Variants in TBCE observed in about 807,000 individuals in gnomAD.
TBCE encodes the protein tubulin-specific chaperone E.
TBCE carries 53 observed loss-of-function variants against 77.0 expected under a neutral mutation model. The ratio of observed to expected loss-of-function variants is 0.69; its 90% CI spans 0.55 to 0.87. TBCE has a LOEUF of 0.87. TBCE is among the 40% of genes least tolerant of loss of function. TBCE has a pLI of 0.00. For synonymous variants in TBCE, 235 were observed against 241.3 expected (o/e 0.97, Z 0.24); for missense variants, 624 against 622.4 (o/e 1.00, Z -0.03).
chr1:235,411,335 AAC>A (rs1397512533), intron 3 of TBCE, among the ~76,000 whole-genome samples: 1 of 152,194 alleles, frequency 6.6e-6, no homozygotes. Flanking sequence ...TCCATAAAGG[AAC>A]ACACACCATT....
intron 14 of TBCE, among the ~76,000 whole-genome samples, chr1:235,442,177 T>A (rs1013853747): frequency 6.6e-6 from 1 of 152,020 alleles, no homozygotes; most frequent in African/African-American, 2.4e-5. Flanking sequence ...CCCGGCTAAT[T>A]TTTTTTAATC....
intron 5 of TBCE, among the ~76,000 whole-genome samples, chr1:235,426,865 G>A (rs1204778950): frequency 6.6e-6 from 1 of 152,166 alleles, no homozygotes; most frequent in Admixed American, 6.5e-5. Flanking sequence ...GGCTGGTCTT[G>A]AACTCCTGAC....
At chr1:235,371,080 A>T (rs1198718868) in intron 1 of TBCE, among the ~76,000 whole-genome samples, 1 of 79,236 alleles carries the variant, frequency 1.3e-5, no homozygotes, top group African/African-American at 5.1e-5. Context: ...TTTGAGACAG[A>T]GTGGTTGCTC....
chr1:235,386,149 C>G (rs1390255068), intron 2 of TBCE, among the ~76,000 whole-genome samples: 1 of 152,224 alleles, frequency 6.6e-6, no homozygotes, highest in African/African-American at 2.4e-5. Context: ...TTGGCTCCCA[C>G]TCTCTTCTGG....
chr1:235,425,462 A>G (rs1317219940), intron 5 of TBCE, among the ~76,000 whole-genome samples: 1 of 152,176 alleles, frequency 6.6e-6, no homozygotes, highest in Non-Finnish European at 1.5e-5. Flanking sequence ...TCAGAAGCAC[A>G]GTGACTTTTA....
At chr1:235,411,629 G>C (rs924083092) in intron 3 of TBCE, among the ~76,000 whole-genome samples, 4 of 152,158 alleles carry the variant, frequency 2.6e-5, no homozygotes, top group African/African-American at 9.7e-5. Flanking sequence ...CTACTCCATA[G>C]GCAGAGCAGC....
intron 7 of TBCE, chr1:235,433,079 T>G: frequency 1.3e-6 from 2 of 1,552,204 alleles, no homozygotes; most frequent in East Asian, 4.7e-5. Flanking sequence ...CACACATCCA[T>G]GCGGATGAAC....
chr1:235,424,520 T>C (rs1029074686), intron 5 of TBCE, among the ~76,000 whole-genome samples: 7 of 151,528 alleles, frequency 4.6e-5, no homozygotes, highest in Non-Finnish European at 1.0e-4. Flanking sequence ...TTTTTCTTTT[T>C]TTGAGATAGA....
chr1:235,427,559 C>T (rs1680798446), intron 6 of TBCE, among the ~76,000 whole-genome samples: 1 of 152,162 alleles, frequency 6.6e-6, no homozygotes, highest in African/African-American at 2.4e-5. Flanking sequence ...TTCTCTTTTC[C>T]AGCCACGTGT....
At position 235,437,410 on chromosome 1, in the gene TBCE, C is replaced by A; in HGVS notation, c.1052C>A (p.Ala351Glu). 1 of 1,614,126 alleles carries A rather than the reference C, an allele frequency of 6.2e-7. No homozygotes were observed. The highest frequency in any genetic ancestry group is 8.5e-7 in the Non-Finnish European group (1 of 1,180,026). ...RNPLTKEDKEAETARLLIIAS... is the reference protein window; with the variant it reads ...RNPLTKEDKEEETARLLIIAS... ...CCCCTGACCAAAGAGGACAAAGAAG[C>A]AGAGACGGCGCGACTACTCATTATC... The change falls in exon 12 of 17, where the codon GCA (alanine) becomes GAA (glutamate). Residue 351 changes from alanine to glutamate, a missense_variant. By Grantham distance (107) the Ala-to-Glu change is moderately radical. Transcript: ENST00000642610.
chr1:235,408,194 G>A (rs1679568189), intron 3 of TBCE, among the ~76,000 whole-genome samples: 1 of 152,156 alleles, frequency 6.6e-6, no homozygotes, highest in African/African-American at 2.4e-5. Context: ...TTGAAAGAAA[G>A]GATAAATGTT....
At position 235,434,114 on chromosome 1, in the gene TBCE, T is replaced by G; in HGVS notation, c.661-90T>G. The G allele has an allele frequency of 2.6e-6, 3 of 1,156,294 alleles. No homozygotes were observed. In the South Asian group the frequency reaches 3.7e-5, roughly 14 times the overall value. 71.6% of individuals were successfully genotyped at this position (1,156,294 alleles called of 1,614,324 possible). On this transcript the variant is annotated intron_variant, in intron 7 of 16. Coordinates refer to ENST00000642610, the MANE Select transcript of TBCE (RefSeq NM_003193.5). ...GGCACTTGTTTGCTGAAACAGTAAC[T>G]GAGCTGAATTCTTGTGGTGGTTCCT... is the stretch of plus-strand genomic sequence containing the variant.
chr1:235,401,420 G>A, intron 2 of TBCE, 83 bp from the exon 3 acceptor site: 2 of 1,194,586 alleles, frequency 1.7e-6, no homozygotes, highest in South Asian at 1.2e-5. Context: ...GGTTTCCGCT[G>A]CAAATTGGTA....
At chr1:235,445,944 C>G (rs1036719908) in intron 15 of TBCE, among the ~76,000 whole-genome samples, 1 of 152,288 alleles carries the variant, frequency 6.6e-6, no homozygotes. Context: ...CAGTCTAGAG[C>G]TGCGCTGTCC....
chr1:235,436,537 T>C lies in TBCE; in HGVS notation c.899-7T>C. The C allele has an allele frequency of 6.2e-7, 1 of 1,613,794 alleles. No individual in the cohort carries two copies. Among genetic ancestry groups the C allele is most frequent in the South Asian group, 1.1e-5 (1 of 91,060 alleles). ...TCTACTGTGTAACTTCATTCCTCTT[T>C]TTATAGGGTGCAAAACGTCCATGTT... On this transcript the variant is annotated splice_region_variant and splice_polypyrimidine_tract_variant and intron_variant, in intron 10 of 16. Coordinates refer to ENST00000642610, the MANE Select transcript of TBCE (RefSeq NM_003193.5).
At chr1:235,375,841 G>C (rs915496883) in intron 1 of TBCE, among the ~76,000 whole-genome samples, 1 of 151,964 alleles carries the variant, frequency 6.6e-6, no homozygotes, top group Non-Finnish European at 1.5e-5. Context: ...TCAGGAGTTC[G>C]AGACCAGCCT....
chr1:235,393,142 A>C (rs1678495957), intron 2 of TBCE, among the ~76,000 whole-genome samples: 1 of 152,228 alleles, frequency 6.6e-6, no homozygotes, highest in African/African-American at 2.4e-5. Flanking sequence ...TTTCACCAAA[A>C]TGAAATGTTT....
intron 15 of TBCE, among the ~76,000 whole-genome samples, chr1:235,443,679 T>G (rs1682054818): frequency 6.6e-6 from 1 of 152,132 alleles, no homozygotes; most frequent in Admixed American, 6.6e-5. Flanking sequence ...TACGGGAGGT[T>G]TGTGACTTTG....
At chr1:235,442,446 C>T (rs948969736) in intron 14 of TBCE, among the ~76,000 whole-genome samples, 4 of 152,148 alleles carry the variant, frequency 2.6e-5, no homozygotes, top group Admixed American at 6.5e-5. Flanking sequence ...CTAGGATTAG[C>T]GGCATGAGCT....
Sources: gnomAD v4.1 joint callset for allele counts (sites outside exome capture counted in the v4.1 genomes callset) on GRCh38, gnomAD v4.1.1 for gene constraint, MANE v1.5 for transcripts, NCBI Gene and HGNC (gene_info 2026-07-23, HGNC 2026-07-21) for gene names.